MYRIP: variants seen among roughly 807,000 people sequenced by gnomAD.
The protein encoded by MYRIP is rab effector MyRIP.
A neutral mutation model predicts 98.0 loss-of-function variants in MYRIP; 49 were observed. The ratio of observed to expected loss-of-function variants is 0.50; its 90% CI spans 0.40 to 0.63. MYRIP has a LOEUF of 0.63. Ranked by LOEUF, MYRIP falls within the 30% of genes least tolerant of loss-of-function variation. MYRIP has a pLI of 0.00. For synonymous variants in MYRIP, 404 were observed against 409.5 expected (o/e 0.99, Z 0.16); for missense variants, 1,004 against 1,058.2 (o/e 0.95, Z 0.71).
intron 2 of MYRIP, among the ~76,000 whole-genome samples, chr3:39,926,044 T>C (rs769848292): frequency 1.1e-4 from 17 of 152,164 alleles, no homozygotes; most frequent in Non-Finnish European, 2.2e-4. Flanking sequence ...TGTGAGATGG[T>C]ATCTCATAGT....
At chr3:40,235,006 A>G (rs192174956) in intron 12 of MYRIP, among the ~76,000 whole-genome samples, 12 of 151,506 alleles carry the variant, frequency 7.9e-5, no homozygotes, top group African/African-American at 2.9e-4. Flanking sequence ...AAAAAAAAAA[A>G]AAAAAGATAC....
At chr3:39,976,722 A>G (rs936942313) in intron 2 of MYRIP, among the ~76,000 whole-genome samples, 3 of 152,234 alleles carry the variant, frequency 2.0e-5, no homozygotes, top group Non-Finnish European at 4.4e-5. Flanking sequence ...GCCATAAAAA[A>G]GGATGAGTTC....
intron 10 of MYRIP, among the ~76,000 whole-genome samples, chr3:40,207,831 T>G (rs987272514): frequency 6.6e-6 from 1 of 152,204 alleles, no homozygotes; most frequent in Non-Finnish European, 1.5e-5. Context: ...CTGAAGACTC[T>G]TAGTCTGAGA....
chr3:39,918,583 G>T (rs898963480), intron 2 of MYRIP, among the ~76,000 whole-genome samples: 1 of 152,162 alleles, frequency 6.6e-6, no homozygotes, highest in African/African-American at 2.4e-5. Flanking sequence ...CTTCCCCTTC[G>T]CCCTCTGAAG....
At chr3:40,035,734 A>G (rs1446352270) in intron 2 of MYRIP, among the ~76,000 whole-genome samples, 1 of 152,022 alleles carries the variant, frequency 6.6e-6, no homozygotes, top group African/African-American at 2.4e-5. Context: ...ATTAAAATCC[A>G]GGAAGAGGTT....
At position 40,021,768 on chromosome 3, in the gene MYRIP, A is replaced by G. The variant is rs140970281; in HGVS notation, c.111-22282A>G. Among the ~76,000 whole-genome samples, 9 of 152,346 alleles carry G rather than the reference A, an allele frequency of 5.9e-5. No individual in the cohort carries two copies. The East Asian group carries it at 1.7e-3, about 29-fold the overall frequency. On this transcript the variant is annotated intron_variant, in intron 2 of 16. Transcript: ENST00000302541. ...GAACTTTGGAAATTTATTTGTATAT[A>G]TTATTAGTATGTGAAGGAGGAATGA... is the stretch of plus-strand genomic sequence containing the variant.
chr3:39,882,259 G>T (rs1172915415), intron 1 of MYRIP, among the ~76,000 whole-genome samples: 1 of 151,872 alleles, frequency 6.6e-6, no homozygotes, highest in East Asian at 1.9e-4. Flanking sequence ...TTTCCCTGTG[G>T]CCTAGTTTCA....
At chr3:40,249,783 C>A (rs1405875198) in intron 13 of MYRIP, among the ~76,000 whole-genome samples, 3 of 152,124 alleles carry the variant, frequency 2.0e-5, no homozygotes, top group Non-Finnish European at 2.9e-5. Context: ...GCTAGGCCTC[C>A]CTTCTAAAAC....
Position 40,026,896 on chromosome 3 carries a change from C to T in MYRIP, c.111-17154C>T, listed in dbSNP as rs372623801. ...CCCCTCTTCAGCCTTTTTCCCTGAG[C>T]TTAAATGTTTGGGGTTTTCTTGGCT... On this transcript the variant is annotated intron_variant, in intron 2 of 16. Transcript: ENST00000302541. 1.1e-3 allele frequency among the ~76,000 whole-genome samples: 175 copies of T among 152,214 alleles called. 1 individual carries two copies. The highest frequency in any genetic ancestry group is 3.9e-3 in the African/African-American group (163 of 41,532).
At chr3:40,152,627 C>A (rs1208219612) in intron 4 of MYRIP, among the ~76,000 whole-genome samples, 1 of 152,136 alleles carries the variant, frequency 6.6e-6, no homozygotes, top group Non-Finnish European at 1.5e-5. Context: ...GCTGGGCCCT[C>A]TGTGATTCAC....
intron 2 of MYRIP, among the ~76,000 whole-genome samples, chr3:39,969,716 C>G (rs149300102): frequency 6.6e-6 from 1 of 152,208 alleles, no homozygotes; most frequent in East Asian, 1.9e-4. Flanking sequence ...CTGCTGGATT[C>G]TGTTTGCAGG....
intron 3 of MYRIP, among the ~76,000 whole-genome samples, chr3:40,054,446 T>C (rs1241783756): frequency 2.0e-5 from 3 of 152,188 alleles, no homozygotes; most frequent in African/African-American, 7.2e-5. Context: ...GGCTAGGTCA[T>C]ATCACCTAGG....
chr3:40,092,752 G>A (rs901617787), intron 3 of MYRIP, among the ~76,000 whole-genome samples: 1 of 152,152 alleles, frequency 6.6e-6, no homozygotes, highest in African/African-American at 2.4e-5. Context: ...AGCAAATAAG[G>A]CACTGAGCTT....
chr3:40,029,449 G>T (rs1021481077), intron 2 of MYRIP, among the ~76,000 whole-genome samples: 8 of 152,172 alleles, frequency 5.3e-5, no homozygotes, highest in Admixed American at 2.6e-4. Flanking sequence ...TGTGTTAGAA[G>T]ATATGTAAGC....
At chr3:39,987,749 CT>C (rs1439709893) in intron 2 of MYRIP, among the ~76,000 whole-genome samples, 1 of 152,172 alleles carries the variant, frequency 6.6e-6, no homozygotes, top group Non-Finnish European at 1.5e-5. Flanking sequence ...TGATGTTGGA[CT>C]TTATTTCTCC....
At chr3:39,928,936 G>A (rs992566610) in intron 2 of MYRIP, among the ~76,000 whole-genome samples, 1 of 151,882 alleles carries the variant, frequency 6.6e-6, no homozygotes, top group Non-Finnish European at 1.5e-5. Flanking sequence ...AAAATCCCAA[G>A]GAATCACCAG....
intron 2 of MYRIP, among the ~76,000 whole-genome samples, chr3:39,922,201 C>A (rs892664095): frequency 2.0e-5 from 3 of 152,098 alleles, no homozygotes; most frequent in Non-Finnish European, 4.4e-5. Context: ...CACAGAAATA[C>A]CAATTGTCAG....
intron 2 of MYRIP, among the ~76,000 whole-genome samples, chr3:39,976,418 G>C (rs1361827636): frequency 6.6e-6 from 1 of 152,190 alleles, no homozygotes; most frequent in African/African-American, 2.4e-5. Flanking sequence ...AGGATATGGA[G>C]AAATAGGAAC....
At chr3:40,254,878 T>TGACAA (rs1227515787) in intron 16 of MYRIP, among the ~76,000 whole-genome samples, 1 of 152,216 alleles carries the variant, frequency 6.6e-6, no homozygotes, top group Admixed American at 6.5e-5. Flanking sequence ...ATGTCTGAGA[T>TGACAA]GACAAGACTA....
Sources: gnomAD v4.1 joint callset for allele counts (sites outside exome capture counted in the v4.1 genomes callset) on GRCh38, gnomAD v4.1.1 for gene constraint, MANE v1.5 for transcripts, NCBI Gene and HGNC (gene_info 2026-07-23, HGNC 2026-07-21) for gene names.